The following ADAMTS19 variants were observed in gnomAD, a reference collection of about 807,000 sequenced individuals.
The protein encoded by ADAMTS19 is A disintegrin and metalloproteinase with thrombospondin motifs 19.
In ADAMTS19, 93 loss-of-function variants were observed where a neutral mutation model predicts 153.3. The ratio of observed to expected loss-of-function variants is 0.61; its 90% CI spans 0.51 to 0.72. ADAMTS19 has a LOEUF of 0.72. Among genes scored for constraint, ADAMTS19 ranks in the 30% least tolerant of loss-of-function variants. The pLI is 0.00. For missense variants in ADAMTS19, 1,482 were observed against 1,552.1 expected, an observed-to-expected ratio of 0.95 and a Z score of 0.76; for synonymous variants, 600 against 556.6, an observed-to-expected ratio of 1.08 and a Z score of -1.10.
At chr5:129,566,127 G>A (rs1024046669) in intron 7 of ADAMTS19, among the ~76,000 whole-genome samples, 1 of 151,966 alleles carries the variant, frequency 6.6e-6, no homozygotes, top group Non-Finnish European at 1.5e-5. Context: ...CAGTGCTTTG[G>A]GACTTTAATA....
At position 129,460,319 on chromosome 5, in the gene ADAMTS19, G is replaced by A. The variant is rs1411313269; in HGVS notation, c.-73G>A. The stretch of plus-strand genomic sequence containing the variant: ...GCCCGGCCTCCTAGCGCTCCGGGGA[G>A]GCCGCTGCGCCCCGGAGTGGATCGC... On this transcript the variant is annotated 5_prime_UTR_variant, in exon 1 of 23. Coordinates refer to ENST00000274487, the MANE Select transcript of ADAMTS19 (RefSeq NM_133638.6). 3.6e-6 allele frequency: 5 copies of A among 1,379,468 alleles called. No individual in the cohort carries two copies. In the African/African-American group the frequency reaches 4.3e-5, roughly 12 times the overall value. 85.5% of individuals were successfully genotyped at this position (1,379,468 alleles called of 1,614,324 possible).
At chr5:129,612,485 AT>A (rs1046901991) in intron 8 of ADAMTS19, among the ~76,000 whole-genome samples, 5 of 152,108 alleles carry the variant, frequency 3.3e-5, no homozygotes, top group African/African-American at 1.2e-4. Context: ...AGACAAGCAA[AT>A]GCTGAGAGAT....
At chr5:129,535,616 C>G (rs1581052595) in intron 6 of ADAMTS19, among the ~76,000 whole-genome samples, 2 of 152,178 alleles carry the variant, frequency 1.3e-5, no homozygotes, top group East Asian at 3.9e-4. Flanking sequence ...CAATCCTAAG[C>G]CAAAAGAACA....
chr5:129,727,731 A>G (rs1757266226), intron 21 of ADAMTS19, among the ~76,000 whole-genome samples: 1 of 152,184 alleles, frequency 6.6e-6, no homozygotes. Context: ...GAGATATTAA[A>G]ATAAATATAA....
At chr5:129,702,941 A>AAAAAAAAATATATATATATATAT in intron 20 of ADAMTS19, among the ~76,000 whole-genome samples, 3 of 29,312 alleles carry the variant, frequency 1.0e-4, no homozygotes, top group Admixed American at 4.6e-4. Context: ...AAAAAAAAAA[A>AAAAAAAAATATATATATATATAT]ATATATATAT....
In ADAMTS19 at chr5:129,684,271, G is replaced by A; in HGVS notation, c.2816G>A (p.Gly939Glu). The A allele has an allele frequency of 6.2e-7, 1 of 1,613,570 alleles. No individual in the cohort carries two copies. Among genetic ancestry groups the A allele is most frequent in the Non-Finnish European group, 8.5e-7 (1 of 1,179,802 alleles). The change falls in exon 18 of 23, where the codon GGA becomes GAA. Residue 939 changes from glycine to glutamate, a missense_variant and splice_region_variant. Gly to Glu is a moderately conservative substitution (Grantham distance 98, BLOSUM62 -2). This residue lies in a region of ADAMTS19 where 616 missense variants were observed against 724.4 expected (regional missense o/e 0.85). Transcript: ENST00000274487. ...SWEDCDATCG[G>E]GERKTTVSCT... The stretch of plus-strand genomic sequence containing the variant: ...GAAGATTGCGATGCCACTTGTGGAG[G>A]AGGTGAAGGATTTTTAAACATTTAT...
intron 6 of ADAMTS19, among the ~76,000 whole-genome samples, chr5:129,545,699 C>G (rs1321133483): frequency 6.6e-6 from 1 of 151,040 alleles, no homozygotes; most frequent in Non-Finnish European, 1.5e-5. Flanking sequence ...CCATCTCACA[C>G]CAGTTAGAAT....
intron 16 of ADAMTS19, among the ~76,000 whole-genome samples, chr5:129,670,424 A>T (rs1754251533): frequency 6.6e-6 from 1 of 152,168 alleles, no homozygotes; most frequent in African/African-American, 2.4e-5. Context: ...GAATACCTCT[A>T]TGAAGTAGGC....
chr5:129,484,821 C>A (rs1018624742), intron 2 of ADAMTS19, among the ~76,000 whole-genome samples: 1 of 152,028 alleles, frequency 6.6e-6, no homozygotes, highest in African/African-American at 2.4e-5. Context: ...TTATTAAATG[C>A]CATCAAATTG....
intron 16 of ADAMTS19, among the ~76,000 whole-genome samples, chr5:129,676,662 T>C (rs1014696879): frequency 1.7e-4 from 26 of 152,236 alleles, no homozygotes; most frequent in African/African-American, 5.5e-4. Context: ...TTATTTACCA[T>C]AGGAGAGCTA....
At chr5:129,609,820 T>A (rs1012150805) in intron 8 of ADAMTS19, among the ~76,000 whole-genome samples, 1 of 152,156 alleles carries the variant, frequency 6.6e-6, no homozygotes, top group East Asian at 1.9e-4. Context: ...AATTCTCTGA[T>A]GTTTCTTGGC....
chr5:129,514,578 G>A lies in ADAMTS19; in HGVS notation c.913+5336G>A, dbSNP rs1327199128. Among the ~76,000 whole-genome samples the A allele has an allele frequency of 4.6e-5, 7 of 152,022 alleles. No individual in the cohort carries two copies. The East Asian group carries it at 1.2e-3, about 25-fold the overall frequency. The stretch of plus-strand genomic sequence containing the variant: ...CTTTTCATGTGCCTATTTGCCATTT[G>A]TATGTCTTCTTTTGAGAAATGTCTA... On this transcript the variant is annotated intron_variant, in intron 3 of 22. Transcript: ENST00000274487.
intron 16 of ADAMTS19, among the ~76,000 whole-genome samples, chr5:129,675,977 C>A (rs1231590938): frequency 6.6e-6 from 1 of 152,060 alleles, no homozygotes; most frequent in East Asian, 1.9e-4. Flanking sequence ...GCAATGACCT[C>A]TGCAATGAGA....
chr5:129,712,789 A>C (rs1245091105), intron 21 of ADAMTS19, among the ~76,000 whole-genome samples: 1 of 152,130 alleles, frequency 6.6e-6, no homozygotes, highest in Non-Finnish European at 1.5e-5. Context: ...ATGCTACCCT[A>C]AAAAAATGTA....
chr5:129,496,679 A>G (rs1750936121), intron 2 of ADAMTS19, among the ~76,000 whole-genome samples: 1 of 152,086 alleles, frequency 6.6e-6, no homozygotes, highest in African/African-American at 2.4e-5. Flanking sequence ...TCTTCTACTT[A>G]AAGCACATAA....
At chr5:129,593,902 C>A (rs1750258477) in intron 7 of ADAMTS19, among the ~76,000 whole-genome samples, 1 of 152,180 alleles carries the variant, frequency 6.6e-6, no homozygotes, top group Non-Finnish European at 1.5e-5. Flanking sequence ...CTGTTCTAAT[C>A]TTTGAATCCT....
At chr5:129,598,677 C>T (rs1185461472) in intron 8 of ADAMTS19, among the ~76,000 whole-genome samples, 1 of 152,126 alleles carries the variant, frequency 6.6e-6, no homozygotes, top group Admixed American at 6.5e-5. Context: ...CATTACCTCA[C>T]ATATTTAGCA....
intron 8 of ADAMTS19, among the ~76,000 whole-genome samples, chr5:129,596,950 T>G (rs1222196443): frequency 6.6e-6 from 1 of 152,178 alleles, no homozygotes; most frequent in Non-Finnish European, 1.5e-5. Flanking sequence ...ATGATACAAA[T>G]ATTTCCATAA....
chr5:129,697,089 CT>C (rs1250403576), intron 19 of ADAMTS19, among the ~76,000 whole-genome samples: 1 of 152,080 alleles, frequency 6.6e-6, no homozygotes, highest in Non-Finnish European at 1.5e-5. Flanking sequence ...AGTTTGGTTT[CT>C]TTGAGGGCCC....
Sources: gnomAD v4.1 joint callset for allele counts (sites outside exome capture counted in the v4.1 genomes callset) on GRCh38, gnomAD v4.1.1 for gene constraint, gnomAD v4.1.1 regional missense constraint, MANE v1.5 for transcripts, NCBI Gene and HGNC (gene_info 2026-07-23, HGNC 2026-07-21) for gene names.